CARMIL1: variants seen among roughly 807,000 people sequenced by gnomAD.
CARMIL1 encodes the protein F-actin-uncapping protein LRRC16A.
A neutral mutation model predicts 177.1 loss-of-function variants in CARMIL1; 90 were observed. The observed-to-expected ratio is 0.51, with a 90% confidence interval of 0.43 to 0.61. The LOEUF (loss-of-function observed/expected upper bound fraction) is 0.61. CARMIL1 is among the 20% of genes least tolerant of loss of function. The pLI is 0.00. For missense variants in CARMIL1, 1,380 were observed against 1,667.0 expected (o/e 0.83, Z 3.00); for synonymous variants, 577 against 606.2 (o/e 0.95, Z 0.71).
chr6:25,333,246 A>G (rs540627906), intron 2 of CARMIL1, among the ~76,000 whole-genome samples: 7 of 152,334 alleles, frequency 4.6e-5, no homozygotes, highest in East Asian at 1.9e-4. Flanking sequence ...TCTTGACAGC[A>G]GAACTTTTCA....
chr6:25,480,729 C>CTT lies in CARMIL1; in HGVS notation c.875-1510_875-1509dup, dbSNP rs1309021528. 1.6e-3 allele frequency among the ~76,000 whole-genome samples: 178 copies of CTT among 112,734 alleles called. 3 individuals carry two copies. The highest frequency in any genetic ancestry group is 2.4e-3 in the African/African-American group (72 of 29,612). 74.0% of individuals were successfully genotyped at this position (112,734 alleles called of 152,430 possible). On this transcript the variant is annotated intron_variant, in intron 11 of 36. Coordinates refer to ENST00000329474, the MANE Select transcript of CARMIL1 (RefSeq NM_017640.6). ...GAAAATCTGTATTACTATTTGTTTC[C>CTT]TTTTTTTTTTTTTTTTTTTGAGTTG...
At chr6:25,389,106 G>A (rs4712925) in intron 2 of CARMIL1, 22,758 of 152,178 alleles carry the variant, frequency 0.15, 1,908 homozygotes, top group East Asian at 0.32. Flanking sequence ...CATGTTTTAC[G>A]TTCAGTACTC....
chr6:25,332,772 C>CACACACACAT (rs1554165886), intron 2 of CARMIL1, among the ~76,000 whole-genome samples: 3 of 83,966 alleles, frequency 3.6e-5, no homozygotes, highest in Middle Eastern at 6.0e-3. Context: ...CACACACACA[C>CACACACACAT]GCGCACACAC....
intron 11 of CARMIL1, among the ~76,000 whole-genome samples, chr6:25,475,982 G>A (rs1041930642): frequency 1.3e-5 from 2 of 152,130 alleles, no homozygotes; most frequent in Non-Finnish European, 2.9e-5. Context: ...CCCACCTTCT[G>A]GGTTTTCTGT....
intron 34 of CARMIL1, among the ~76,000 whole-genome samples, chr6:25,605,341 C>T (rs1815849437): frequency 6.6e-6 from 1 of 151,414 alleles, no homozygotes; most frequent in African/African-American, 2.4e-5. Context: ...TCCCTTGTCC[C>T]TCTGACTTCT....
At chr6:25,587,110 C>T (rs1047220891) in intron 31 of CARMIL1, among the ~76,000 whole-genome samples, 9 of 151,896 alleles carry the variant, frequency 5.9e-5, no homozygotes, top group Non-Finnish European at 1.0e-4. Context: ...AAAAATTTAA[C>T]CTTAGATCAA....
chr6:25,284,028 C>G (rs991323477), intron 1 of CARMIL1, among the ~76,000 whole-genome samples: 34 of 152,074 alleles, frequency 2.2e-4, no homozygotes, highest in African/African-American at 7.7e-4. Context: ...CGGTTCTGTT[C>G]TGTTTTGTTT....
At chr6:25,333,557 C>T (rs866783866) in intron 2 of CARMIL1, among the ~76,000 whole-genome samples, 1 of 152,198 alleles carries the variant, frequency 6.6e-6, no homozygotes, top group Non-Finnish European at 1.5e-5. Flanking sequence ...CAGAGCAAGA[C>T]ACTGTGTAAA....
chr6:25,408,444 T>C (rs1238222073), intron 2 of CARMIL1, among the ~76,000 whole-genome samples: 2 of 147,256 alleles, frequency 1.4e-5, no homozygotes, highest in African/African-American at 5.0e-5. Context: ...GGCTTCCTGA[T>C]CATCATATCT....
At chr6:25,318,932 C>T (rs1784480087) in intron 2 of CARMIL1, among the ~76,000 whole-genome samples, 1 of 152,160 alleles carries the variant, frequency 6.6e-6, no homozygotes, top group African/African-American at 2.4e-5. Context: ...GGACCCTATA[C>T]TTAGTGCAGC....
At chr6:25,384,659 A>G (rs1363164527) in intron 2 of CARMIL1, among the ~76,000 whole-genome samples, 2 of 152,166 alleles carry the variant, frequency 1.3e-5, no homozygotes, top group African/African-American at 4.8e-5. Context: ...AATGCGACCT[A>G]TGGGGCAGAG....
At chr6:25,440,684 T>C (rs1360474760) in intron 5 of CARMIL1, among the ~76,000 whole-genome samples, 1 of 152,242 alleles carries the variant, frequency 6.6e-6, no homozygotes, top group Non-Finnish European at 1.5e-5. Flanking sequence ...GGGGAATATT[T>C]GTTTATATAA....
chr6:25,539,886 A>G (rs1018462828), intron 25 of CARMIL1, 61 bp from the exon 26 acceptor site: 80 of 1,301,986 alleles, frequency 6.1e-5, no homozygotes, highest in Non-Finnish European at 7.7e-5. Context: ...TTCACTCTGC[A>G]ATGACTTTGA....
chr6:25,367,828 G>C (rs1051155692), intron 2 of CARMIL1, among the ~76,000 whole-genome samples: 1 of 152,014 alleles, frequency 6.6e-6, no homozygotes, highest in Admixed American at 6.6e-5. Context: ...GCATGATCTC[G>C]GCTCACTGCA....
At chr6:25,434,762 G>C (rs1330685861) in intron 4 of CARMIL1, among the ~76,000 whole-genome samples, 2 of 151,906 alleles carry the variant, frequency 1.3e-5, no homozygotes, top group Non-Finnish European at 2.9e-5. Flanking sequence ...ATGTTGGCCA[G>C]GATGGTCTCA....
At chr6:25,588,832 A>G (rs1203207908) in intron 31 of CARMIL1, among the ~76,000 whole-genome samples, 1 of 152,248 alleles carries the variant, frequency 6.6e-6, no homozygotes, top group Non-Finnish European at 1.5e-5. Context: ...TCAAGGGAAT[A>G]TGAAGCCCAG....
At chr6:25,303,054 G>T (rs73394120) in intron 2 of CARMIL1, among the ~76,000 whole-genome samples, 60 of 151,712 alleles carry the variant, frequency 4.0e-4, no homozygotes, top group African/African-American at 8.5e-4. Flanking sequence ...GTTTGCGAAG[G>T]CTTGGTCTCA....
At chr6:25,301,898 C>T (rs1331983818) in intron 2 of CARMIL1, among the ~76,000 whole-genome samples, 1 of 151,972 alleles carries the variant, frequency 6.6e-6, no homozygotes, top group East Asian at 1.9e-4. Context: ...TAGATCAGAC[C>T]AAATAAGCCA....
chr6:25,531,008 GAAAC>G (rs1334745931), intron 24 of CARMIL1, among the ~76,000 whole-genome samples: 1 of 152,156 alleles, frequency 6.6e-6, no homozygotes, highest in Non-Finnish European at 1.5e-5. Flanking sequence ...TAAAGGTAAC[GAAAC>G]AAACTAAAAT....
Sources: gnomAD v4.1 joint callset for allele counts (sites outside exome capture counted in the v4.1 genomes callset) on GRCh38, gnomAD v4.1.1 for gene constraint, MANE v1.5 for transcripts, NCBI Gene and HGNC (gene_info 2026-07-23, HGNC 2026-07-21) for gene names.